Variants in ZNF117 observed in about 807,000 individuals in gnomAD.
The protein encoded by ZNF117 is zinc finger protein 117, also known as Krueppel-related zinc finger protein.
ZNF117 carries 37 observed loss-of-function variants against 41.2 expected under a neutral mutation model. That is an observed-to-expected ratio of 0.90 (90% CI 0.69 to 1.18). The LOEUF (loss-of-function observed/expected upper bound fraction) is 1.18. ZNF117 is among the 50% of genes most tolerant of loss of function. The probability of loss-of-function intolerance (pLI) is 0.00; values close to 1 mark genes in which losing one functional copy is unlikely to be tolerated. For synonymous variants in ZNF117, 186 were observed against 186.6 expected, an observed-to-expected ratio of 1.00 and a Z score of 0.02; for missense variants, 546 against 557.5, an observed-to-expected ratio of 0.98 and a Z score of 0.21.
upstream of ZNF117, among the ~76,000 whole-genome samples, chr7:64,983,038 T>C (rs1056785869): frequency 1.4e-4 from 21 of 152,252 alleles, no homozygotes; most frequent in African/African-American, 5.1e-4. Context: ...TCATATGTTC[T>C]GTAATTTTTA....
exon 3 of ZNF117, chr7:64,976,421 G>C (rs572904007): frequency 3.6e-4 from 55 of 152,144 alleles, no homozygotes; most frequent in African/African-American, 1.2e-3. Context: ...CAGCCTGGGT[G>C]ACAGAGCAAG....
rs765912751 is a variant in ZNF117 at position 64,978,394 on chromosome 7, C to T, written c.1177G>A (p.Glu393Lys). ...GATAGGTGGAAAACTTTGCCAGATT[C>T]TCTACATTTGTGGGGATTCTCTCCA... The change falls in exon 3 of 3, where the codon GAA becomes AAA. Residue 393 changes from glutamate to lysine, a missense_variant. By Grantham distance (56) the Glu-to-Lys change is moderately conservative. Transcript: ENST00000620222. 6 of 1,613,674 alleles carry T rather than the reference C, an allele frequency of 3.7e-6. No homozygotes were observed. In the East Asian group the frequency reaches 1.1e-4, roughly 30 times the overall value.
At position 64,989,491 on chromosome 7, in the gene ZNF117, AT is replaced by A. The variant is rs1562649471; in HGVS notation, c.-196+455del. Reference sequence around the variant, plus strand: ...TATATATATATATATATATATATATATATATATAAAACCTGAAAATAATCTA... The same window carrying A: ...TATATATATATATATATATATATATAATATATAAAACCTGAAAATAATCTA... On this transcript the variant is annotated intron_variant, in intron 1 of 3. Coordinates refer to the ZNF117 transcript ENST00000282869. 1.7e-4 allele frequency among the ~76,000 whole-genome samples: 19 copies of A among 111,706 alleles called. 1 individual carries two copies. Among genetic ancestry groups the A allele is most frequent in the African/African-American group, 4.8e-4 (15 of 31,360 alleles). The allele number at this position is 111,706 out of a possible 152,430, so 73.3% of individuals were successfully genotyped here. A position where few individuals can be genotyped will look rare whatever the true frequency, so the allele number is the denominator to read the frequency against.
intron 1 of ZNF117, among the ~76,000 whole-genome samples, chr7:64,989,642 T>G (rs553100726): frequency 1.1e-4 from 16 of 151,158 alleles, no homozygotes; most frequent in African/African-American, 3.4e-4. Context: ...AGAGCTATTT[T>G]GCAGCAATGG....
At chr7:64,975,795 G>A (rs1333872266) in exon 3 of ZNF117, 1 of 152,046 alleles carries the variant, frequency 6.6e-6, no homozygotes, top group Non-Finnish European at 1.5e-5. Context: ...TTAGTTCAAT[G>A]TCTAAAATGT....
At chr7:64,978,030 G>A (rs1048862822) in exon 3 of ZNF117, 10 of 1,406,340 alleles carry the variant, frequency 7.1e-6, no homozygotes, top group African/African-American at 5.7e-5. Flanking sequence ...AGTAAGGGTT[G>A]AGAAATGGTT....
chr7:64,982,905 T>C (rs973640073), upstream of ZNF117, among the ~76,000 whole-genome samples: 1 of 152,240 alleles, frequency 6.6e-6, no homozygotes, highest in Non-Finnish European at 1.5e-5. Flanking sequence ...CAAATTTTTG[T>C]AATGTGCTGA....
At position 64,990,824 on chromosome 7, in the gene ZNF117, A is replaced by T. The variant is rs1315191436; in HGVS notation, c.-1073T>A. 1.3e-5 allele frequency: 2 copies of T among 157,220 alleles called. No homozygotes were observed. The highest frequency in any genetic ancestry group is 2.8e-5 in the Non-Finnish European group (2 of 71,622). The allele number at this position is 157,220 out of a possible 1,614,324, so 9.7% of individuals were successfully genotyped here. On this transcript the variant is annotated 5_prime_UTR_variant, in exon 1 of 4. It removes an upstream start codon present in the reference 5' UTR. Transcript: ENST00000282869. ...CTGCCTGGCCTTGCAGATAATTATC[A>T]TAGCTCCAGCAGGACTTTGGAGTGA...
chr7:64,990,424 C>T (rs559323200), exon 1 of ZNF117: 34 of 185,708 alleles, frequency 1.8e-4, no homozygotes, highest in South Asian at 1.2e-3. Flanking sequence ...AGGCTGAGCC[C>T]TGAACAAAGA....
exon 3 of ZNF117, chr7:64,977,665 T>C (rs1236807945): frequency 1.3e-6 from 1 of 787,078 alleles, no homozygotes; most frequent in South Asian, 1.3e-5. Flanking sequence ...TTCTCTCCAG[T>C]ATGAATTTTC....
At chr7:64,976,979 G>T in exon 3 of ZNF117, 1 of 534,722 alleles carries the variant, frequency 1.9e-6, no homozygotes, top group Non-Finnish European at 3.8e-6. Flanking sequence ...CACATTTGTA[G>T]GGTTTCTCTC....
chr7:64,988,139 A>G (rs1432802949), intron 1 of ZNF117, among the ~76,000 whole-genome samples: 1 of 152,168 alleles, frequency 6.6e-6, no homozygotes, highest in African/African-American at 2.4e-5. Context: ...AAAACCTGAC[A>G]TAGGTATAAC....
chr7:64,978,315 C>A (rs1785936571), exon 3 of ZNF117: 1 of 1,607,750 alleles, frequency 6.2e-7, no homozygotes, highest in African/African-American at 1.3e-5. Flanking sequence ...ACATTCTTCA[C>A]ATTTGTAGAG....
intron 1 of ZNF117, 121 bp downstream of exon 2, chr7:64,981,863 G>T (rs1786040586): frequency 2.7e-6 from 1 of 372,672 alleles, no homozygotes; most frequent in South Asian, 5.7e-5. Context: ...AAATCTAAAA[G>T]ATTTTTTTGA....
At chr7:64,980,981 AC>A (rs80159575) in intron 2 of ZNF117, 1 of 188,674 alleles carries the variant, frequency 5.3e-6, no homozygotes, top group African/African-American at 2.4e-5. Context: ...CAACAAAAAA[AC>A]CAATGGAACA....
chr7:64,980,123 A>T (rs1415417846), intron 2 of ZNF117: 2 of 152,540 alleles, frequency 1.3e-5, no homozygotes, highest in Non-Finnish European at 2.9e-5. Flanking sequence ...AAACATGAAT[A>T]AAGTCTTTTA....
At position 64,989,443 on chromosome 7, in the gene ZNF117, T is replaced by TTATATATA. The variant is rs58009024; in HGVS notation, c.-196+496_-196+503dup. ...AAAGACTTAAATGTAGAACTTAAAA[T>TTATATATA]TATATATATATATATATATATATAT... is the stretch of plus-strand genomic sequence containing the variant. On this transcript the variant is annotated intron_variant, in intron 1 of 3. Coordinates refer to the ZNF117 transcript ENST00000282869. Among the ~76,000 whole-genome samples, 93 of 49,414 alleles carry TTATATATA rather than the reference T, an allele frequency of 1.9e-3. 1 individual carries two copies. Among genetic ancestry groups the TTATATATA allele is most frequent in the Non-Finnish European group, 2.7e-3 (74 of 27,016 alleles). The allele number at this position is 49,414 out of a possible 152,430, so 32.4% of individuals were successfully genotyped here.
At chr7:64,973,689 G>A (rs1785819387), downstream of ZNF117, 1 of 151,872 alleles carries the variant, frequency 6.6e-6, no homozygotes, top group Non-Finnish European at 1.5e-5. Flanking sequence ...AGTGAGCAAA[G>A]TGTAGCCATC....
intron 2 of ZNF117, chr7:64,981,186 A>G: frequency 1.6e-6 from 1 of 631,588 alleles, no homozygotes; most frequent in Middle Eastern, 3.6e-4. Context: ...AAGACAGATC[A>G]CTAAAGGGAA....
Sources: allele counts gnomAD v4.1 joint callset (sites outside exome capture counted in the v4.1 genomes callset), GRCh38; gene constraint gnomAD v4.1.1; transcripts MANE v1.5; gene names NCBI Gene and HGNC (gene_info 2026-07-23, HGNC 2026-07-21).